Variants in RBMS3 observed in about 807,000 individuals in gnomAD.
RBMS3 encodes the protein RNA-binding motif, single-stranded-interacting protein 3.
A neutral mutation model predicts 66.8 loss-of-function variants in RBMS3; 27 were observed. The observed-to-expected ratio is 0.40, with a 90% confidence interval of 0.30 to 0.56. The LOEUF (loss-of-function observed/expected upper bound fraction) is 0.56, where lower values mean the gene tolerates loss of function less well. RBMS3 is among the 20% of genes least tolerant of loss of function. The pLI, the probability that RBMS3 is intolerant of heterozygous loss-of-function variation, is 0.40. For missense variants in RBMS3, 513 were observed against 549.5 expected (o/e 0.93, Z 0.66); for synonymous variants, 188 against 183.0 (o/e 1.03, Z -0.22).
At chr3:29,865,352 A>T (rs1490296193) in intron 6 of RBMS3, among the ~76,000 whole-genome samples, 1 of 152,146 alleles carries the variant, frequency 6.6e-6, no homozygotes, top group Non-Finnish European at 1.5e-5. Flanking sequence ...ACCATAAACA[A>T]CCCTGCTTCA....
intron 4 of RBMS3, among the ~76,000 whole-genome samples, chr3:29,732,766 A>G (rs1194843745): frequency 1.3e-5 from 2 of 152,168 alleles, no homozygotes; most frequent in African/African-American, 2.4e-5. Flanking sequence ...TTGCTGCAGC[A>G]TATAAAATAG....
chr3:29,867,088 C>G (rs765076681), intron 6 of RBMS3, among the ~76,000 whole-genome samples: 6 of 152,040 alleles, frequency 3.9e-5, no homozygotes, highest in Non-Finnish European at 1.5e-5. Flanking sequence ...TATGACTCCC[C>G]CTTAGAGCCA....
intron 4 of RBMS3, among the ~76,000 whole-genome samples, chr3:29,691,818 C>T (rs1188699000): frequency 2.6e-5 from 4 of 152,208 alleles, no homozygotes; most frequent in Admixed American, 6.5e-5. Flanking sequence ...GCCATCTTTT[C>T]TCTGTCACAT....
At chr3:29,315,926 T>C (rs1323262441) in intron 1 of RBMS3, among the ~76,000 whole-genome samples, 1 of 151,792 alleles carries the variant, frequency 6.6e-6, no homozygotes, top group Non-Finnish European at 1.5e-5. Flanking sequence ...GGTTTTGTTA[T>C]TGTTCTTTTT....
chr3:29,455,191 C>T (rs572480019), intron 2 of RBMS3, among the ~76,000 whole-genome samples: 4 of 152,272 alleles, frequency 2.6e-5, no homozygotes, highest in South Asian at 2.1e-4. Flanking sequence ...GCCTATATCT[C>T]GATCATCACA....
chr3:29,627,513 C>T (rs542501849), intron 4 of RBMS3, among the ~76,000 whole-genome samples: 5 of 152,030 alleles, frequency 3.3e-5, no homozygotes, highest in South Asian at 2.1e-4. Context: ...GCAAAATTGT[C>T]CCCAGTTGAG....
At chr3:29,867,218 A>G (rs1162563371) in intron 6 of RBMS3, among the ~76,000 whole-genome samples, 1 of 152,028 alleles carries the variant, frequency 6.6e-6, no homozygotes, top group African/African-American at 2.4e-5. Context: ...CTTTACCCAG[A>G]TAAGTAAATG....
chr3:29,487,797 A>G (rs558013238), intron 2 of RBMS3, among the ~76,000 whole-genome samples: 1 of 152,246 alleles, frequency 6.6e-6, no homozygotes, highest in African/African-American at 2.4e-5. Context: ...ATGTATTTAT[A>G]TTATTATAGA....
At chr3:29,952,904 A>C (rs1393993617) in intron 12 of RBMS3, among the ~76,000 whole-genome samples, 3 of 151,914 alleles carry the variant, frequency 2.0e-5, no homozygotes, top group African/African-American at 4.8e-5. Context: ...GAGCAGTTAC[A>C]TTAGCAAATA....
chr3:29,994,620 C>T (rs1383365184), intron 14 of RBMS3, among the ~76,000 whole-genome samples: 1 of 152,216 alleles, frequency 6.6e-6, no homozygotes, highest in Non-Finnish European at 1.5e-5. Context: ...GGGTCCCTGA[C>T]CCCCGAGCAG....
intron 12 of RBMS3, among the ~76,000 whole-genome samples, chr3:29,956,910 G>A (rs1472223339): frequency 6.6e-6 from 1 of 151,922 alleles, no homozygotes; most frequent in African/African-American, 2.4e-5. Flanking sequence ...ACATTCATCT[G>A]TTACTACTTC....
At chr3:29,997,677 A>G (rs1699334835) in intron 14 of RBMS3, among the ~76,000 whole-genome samples, 1 of 151,930 alleles carries the variant, frequency 6.6e-6, no homozygotes. Context: ...CCACATGATT[A>G]TCTCAATAGA....
chr3:29,611,992 C>A (rs909700690), intron 4 of RBMS3, among the ~76,000 whole-genome samples: 1 of 151,912 alleles, frequency 6.6e-6, no homozygotes, highest in Non-Finnish European at 1.5e-5. Context: ...TGGGTCTCAC[C>A]CACCGGCTGT....
At chr3:29,361,623 G>A (rs1454509121) in intron 1 of RBMS3, among the ~76,000 whole-genome samples, 1 of 152,132 alleles carries the variant, frequency 6.6e-6, no homozygotes, top group African/African-American at 2.4e-5. Flanking sequence ...AGTTCTCCTG[G>A]ATAATATCTT....
intron 1 of RBMS3, among the ~76,000 whole-genome samples, chr3:29,285,810 G>C (rs2032281853): frequency 1.3e-5 from 2 of 152,174 alleles, no homozygotes; most frequent in South Asian, 4.1e-4. Context: ...GAAAACACAA[G>C]TAGGTGAAGG....
chr3:29,786,933 C>T (rs565509472), intron 6 of RBMS3, among the ~76,000 whole-genome samples: 1 of 151,886 alleles, frequency 6.6e-6, no homozygotes, highest in Admixed American at 6.6e-5. Context: ...AATCTTCATA[C>T]ATCTGAAAAA....
At chr3:29,819,657 C>T (rs541760061) in intron 6 of RBMS3, among the ~76,000 whole-genome samples, 130 of 152,142 alleles carry the variant, frequency 8.5e-4, no homozygotes, top group African/African-American at 3.0e-3. Flanking sequence ...CAGTTATCAG[C>T]AATGCAGCAA....
intron 6 of RBMS3, among the ~76,000 whole-genome samples, chr3:29,834,319 AGT>A (rs1268806193): frequency 5.3e-5 from 8 of 152,122 alleles, no homozygotes; most frequent in African/African-American, 1.9e-4. Context: ...TTGTAATGGT[AGT>A]GTGTTAATTA....
chr3:29,528,612 G>A (rs2045229680), intron 3 of RBMS3, among the ~76,000 whole-genome samples: 1 of 152,092 alleles, frequency 6.6e-6, no homozygotes, highest in Non-Finnish European at 1.5e-5. Context: ...AATTTCTACA[G>A]CATTTTATGC....
Sources: allele counts gnomAD v4.1 joint callset (sites outside exome capture counted in the v4.1 genomes callset), GRCh38; gene constraint gnomAD v4.1.1; transcripts MANE v1.5; gene names NCBI Gene and HGNC (gene_info 2026-07-23, HGNC 2026-07-21).